The following KPNA6 variants were observed in gnomAD, a reference collection of about 807,000 sequenced individuals.
KPNA6 encodes the protein importin subunit alpha-7.
A neutral mutation model predicts 72.0 loss-of-function variants in KPNA6; 9 were observed. The observed-to-expected ratio is 0.13, with a 90% CI of 0.08 to 0.22. KPNA6 has a LOEUF of 0.22. Ranked by LOEUF, KPNA6 falls within the 10% of genes least tolerant of loss-of-function variation. The pLI, the probability that KPNA6 is intolerant of heterozygous loss-of-function variation, is 1.00. For synonymous variants in KPNA6, 219 were observed against 242.1 expected (o/e 0.90, Z 0.89); for missense variants, 374 against 655.7 (o/e 0.57, Z 4.69).
In KPNA6 at chr1:32,153,571, CAAA is replaced by C. The variant is rs554895996; in HGVS notation, c.5-1000_5-998del. ...GGGCAACAAAAGTGAAACTCTGTCT[CAAA>C]AAAAAAAAAAAAAAAAGAAGAAAAA... On this transcript the variant is annotated intron_variant, in intron 1 of 13. Coordinates refer to ENST00000373625, the MANE Select transcript of KPNA6 (RefSeq NM_012316.5). 2.5e-3 allele frequency among the ~76,000 whole-genome samples: 150 copies of C among 60,460 alleles called. 4 individuals carry two copies. The South Asian group carries it at 0.048, about 19-fold the overall frequency. The allele number at this position is 60,460 out of a possible 152,430, so 39.7% of individuals were successfully genotyped here.
At chr1:32,119,021 T>C (rs1224918921) in intron 1 of KPNA6, among the ~76,000 whole-genome samples, 3 of 81,454 alleles carry the variant, frequency 3.7e-5, no homozygotes, top group Admixed American at 2.9e-4. Context: ...TATATATATA[T>C]ATATATATAT....
At chr1:32,117,225 TGCA>T (rs1641342506) in intron 1 of KPNA6, among the ~76,000 whole-genome samples, 1 of 150,770 alleles carries the variant, frequency 6.6e-6, no homozygotes, top group South Asian at 2.1e-4. Context: ...CAGGCTGGAG[TGCA>T]GTGGCACGAT....
chr1:32,121,266 T>C (rs984285566), intron 1 of KPNA6, among the ~76,000 whole-genome samples: 4 of 152,132 alleles, frequency 2.6e-5, no homozygotes, highest in Non-Finnish European at 5.9e-5. Flanking sequence ...AGTTAGGAAT[T>C]TGAATCATCA....
chr1:32,141,375 C>CTTTTTTTTTTTT lies in KPNA6; in HGVS notation c.5-13184_5-13173dup, dbSNP rs71006334. 5.3e-4 allele frequency among the ~76,000 whole-genome samples: 29 copies of CTTTTTTTTTTTT among 54,470 alleles called. 7 individuals are homozygous for CTTTTTTTTTTTT. The highest frequency in any genetic ancestry group is 9.0e-4 in the South Asian group (2 of 2,222). 35.7% of individuals were successfully genotyped at this position (54,470 alleles called of 152,430 possible). ...AGGGCTTTTTTTTTTTAAGTTAATC[C>CTTTTTTTTTTTT]TTTTTTTTTTTTTTTTTTTTTTTTT... On this transcript the variant is annotated intron_variant, in intron 1 of 13. Coordinates refer to ENST00000373625, the MANE Select transcript of KPNA6 (RefSeq NM_012316.5).
At position 32,166,008 on chromosome 1, in the gene KPNA6, A is replaced by C. The variant is rs935454986; in HGVS notation, c.991-97A>C. 5.4e-5 allele frequency: 74 copies of C among 1,364,306 alleles called. No individual in the cohort carries two copies. In the African/African-American group the frequency reaches 5.7e-4, roughly 11 times the overall value. The allele number at this position is 1,364,306 out of a possible 1,614,324, so 84.5% of individuals were successfully genotyped here. A position where few individuals can be genotyped will look rare whatever the true frequency, so the allele number is the denominator to read the frequency against. ...GCGAGACTCTGTCTCAAAAAAAAAA[A>C]CAAAAACAACAACAACAACAACAAC... On this transcript the variant is annotated intron_variant, in intron 10 of 13. Transcript: ENST00000373625.
chr1:32,143,075 C>G, intron 1 of KPNA6: 1 of 1,035,352 alleles, frequency 9.7e-7, no homozygotes, highest in Non-Finnish European at 1.3e-6. Flanking sequence ...CTGTTGTCTA[C>G]TCTGTTAGTC....
rs1240618613 is a variant in KPNA6, at chr1:32,174,029, G to C, written c.*3135G>C. 6.6e-6 allele frequency: 1 copy of C among 152,260 alleles called. No individual in the cohort carries two copies. The highest frequency in any genetic ancestry group is 6.5e-5 in the Admixed American group (1 of 15,270). 9.4% of individuals were successfully genotyped at this position (152,260 alleles called of 1,614,324 possible). A position where few individuals can be genotyped will look rare whatever the true frequency, so the allele number is the denominator to read the frequency against. On this transcript the variant is annotated 3_prime_UTR_variant, in exon 14 of 14. Coordinates refer to ENST00000373625, the MANE Select transcript of KPNA6 (RefSeq NM_012316.5). ...AGTACTAACAGGGTGTCTGGTCTTAGAAGCCTCCCTTCAGATCCCAGCTGA... is the reference window on the plus strand; with the variant it reads ...AGTACTAACAGGGTGTCTGGTCTTACAAGCCTCCCTTCAGATCCCAGCTGA...
At chr1:32,112,523 C>T (rs921968327) in intron 1 of KPNA6, among the ~76,000 whole-genome samples, 2 of 152,076 alleles carry the variant, frequency 1.3e-5, no homozygotes, top group African/African-American at 4.8e-5. Flanking sequence ...CAGGCTGGCC[C>T]TGTCTGTCAC....
chr1:32,110,702 A>C (rs1641231856), intron 1 of KPNA6, among the ~76,000 whole-genome samples: 1 of 152,090 alleles, frequency 6.6e-6, no homozygotes, highest in African/African-American at 2.4e-5. Flanking sequence ...GACGACACCA[A>C]CCTGACCAAT....
At chr1:32,157,515 A>C (rs1642165302) in intron 4 of KPNA6, 70 bp downstream of exon 4, 1 of 1,097,622 alleles carries the variant, frequency 9.1e-7, no homozygotes, top group African/African-American at 1.5e-5. Context: ...TGATGTCATC[A>C]ACTTACACGT....
Position 32,162,492 on chromosome 1 carries a change from C to T in KPNA6, c.879C>T (p.Ser293=), listed in dbSNP as rs150602159. 2.8e-5 allele frequency: 45 copies of T among 1,613,870 alleles called. No individual in the cohort carries two copies. Among genetic ancestry groups the T allele is most frequent in the African/African-American group, 2.5e-4 (19 of 74,886 alleles). The change falls in exon 9 of 14, where the codon TCC becomes TCT. Residue 293 remains serine (S), a synonymous_variant. Transcript: ENST00000373625. ...AGAAGATCCAGGCAGTCATAGACTCCGGAGTCTGCCGGAGATTGGTAGAGC... is the reference window on the plus strand; with the variant it reads ...AGAAGATCCAGGCAGTCATAGACTCTGGAGTCTGCCGGAGATTGGTAGAGC... ...PNEKIQAVID[S]GVCRRLVELL... is the part of the protein sequence containing the mutation.
At chr1:32,167,101 G>A in intron 11 of KPNA6, 68 bp from the exon 12 acceptor site, 1 of 1,570,472 alleles carries the variant, frequency 6.4e-7, no homozygotes. Context: ...CTGATTTGGG[G>A]ACTAGATTTA....
chr1:32,143,585 AAG>A (rs553112409), intron 1 of KPNA6, among the ~76,000 whole-genome samples: 12,298 of 145,472 alleles, frequency 0.085, 848 homozygotes, highest in South Asian at 0.23. Flanking sequence ...AAAAAAAAAA[AAG>A]AAAAGAAAAA....
At chr1:32,111,431 GTCAGGTAACT>G (rs1226578488) in intron 1 of KPNA6, among the ~76,000 whole-genome samples, 10 of 152,184 alleles carry the variant, frequency 6.6e-5, no homozygotes, top group Non-Finnish European at 1.3e-4. Flanking sequence ...TTAGCCTAGA[GTCAGGTAACT>G]TCCTCTTTCC....
chr1:32,113,224 C>T (rs887889458), intron 1 of KPNA6, among the ~76,000 whole-genome samples: 4 of 151,910 alleles, frequency 2.6e-5, no homozygotes, highest in Admixed American at 2.0e-4. Flanking sequence ...GACCCCATCT[C>T]TAAAAAAACA....
intron 4 of KPNA6, 44 bp downstream of exon 4, chr1:32,157,489 C>A: frequency 7.2e-7 from 1 of 1,385,970 alleles, no homozygotes. Context: ...TATGATTTAG[C>A]CTCTTTTCTC....
chr1:32,154,904 T>C (rs1460011626), intron 2 of KPNA6, among the ~76,000 whole-genome samples, 183 bp downstream of exon 2: 13 of 151,880 alleles, frequency 8.6e-5, no homozygotes, highest in Admixed American at 8.5e-4. Flanking sequence ...GGTCAGGAGT[T>C]CAAGACCAGC....
rs367595186 is a variant in KPNA6 at position 32,108,125 on chromosome 1, C to A, written c.-6C>A. 1 of 1,614,032 alleles carries A rather than the reference C, an allele frequency of 6.2e-7. No individual in the cohort carries two copies. The highest frequency in any genetic ancestry group is 8.5e-7 in the Non-Finnish European group (1 of 1,179,940). ...CCGCCGCCAAGAGTGAGCGAGCGGA[C>A]CCGCGATGGGTGAGTGAGGAAACCA... On this transcript the variant is annotated 5_prime_UTR_variant, in exon 1 of 14. Transcript: ENST00000373625.
rs181906834 is a variant in KPNA6 at position 32,176,507 on chromosome 1, T to G, written c.*5613T>G. The stretch of plus-strand genomic sequence containing the variant: ...AAATTTGAAGAGAAAATGTATTTCT[T>G]TAGGTTTCAAACACTGTAATAGATA... On this transcript the variant is annotated 3_prime_UTR_variant, in exon 14 of 14. Coordinates refer to ENST00000373625, the MANE Select transcript of KPNA6 (RefSeq NM_012316.5). 1 of 152,446 alleles carries G rather than the reference T, an allele frequency of 6.6e-6. No homozygotes were observed. Among genetic ancestry groups the G allele is most frequent in the Non-Finnish European group, 1.5e-5 (1 of 68,018 alleles). The allele number at this position is 152,446 out of a possible 1,614,324, so 9.4% of individuals were successfully genotyped here. A position where few individuals can be genotyped will look rare whatever the true frequency, so the allele number is the denominator to read the frequency against.
Sources: gnomAD v4.1 joint callset for allele counts (sites outside exome capture counted in the v4.1 genomes callset) on GRCh38, gnomAD v4.1.1 for gene constraint, MANE v1.5 for transcripts, NCBI Gene and HGNC (gene_info 2026-07-23, HGNC 2026-07-21) for gene names.